AP2A2: variants seen among roughly 807,000 people sequenced by gnomAD.
AP2A2 encodes adaptor related protein complex 2 subunit alpha 2.
A neutral mutation model predicts 104.2 loss-of-function variants in AP2A2; 32 were observed. The ratio of observed to expected loss-of-function variants is 0.31; its 90% confidence interval spans 0.23 to 0.41. AP2A2 has a LOEUF of 0.41. Among genes scored for constraint, AP2A2 ranks in the 10% least tolerant of loss-of-function variants. The pLI is 1.00. For missense variants in AP2A2, 912 were observed against 1,261.0 expected (o/e 0.72, Z 4.19); for synonymous variants, 539 against 533.3 (o/e 1.01, Z -0.15).
At chr11:972,894 C>T (rs1048762633) in intron 4 of AP2A2, among the ~76,000 whole-genome samples, 4 of 152,244 alleles carry the variant, frequency 2.6e-5, no homozygotes, top group African/African-American at 7.2e-5. Context: ...CAGGGCTTCA[C>T]GCGGAGAAGC....
chr11:946,948 CAAGTT>C (rs2134505969), intron 1 of AP2A2: 1 of 151,142 alleles, frequency 6.6e-6, no homozygotes, highest in African/African-American at 2.4e-5. Flanking sequence ...CTACATATGT[CAAGTT>C]AAAAGACAAT....
intron 1 of AP2A2, among the ~76,000 whole-genome samples, chr11:928,016 T>A (rs2134443479): frequency 1.3e-5 from 2 of 152,300 alleles, no homozygotes; most frequent in South Asian, 4.1e-4. Context: ...GTCCTTCCAT[T>A]TTTGAAGAAA....
intron 4 of AP2A2, among the ~76,000 whole-genome samples, chr11:975,250 G>A (rs548435942): frequency 3.3e-5 from 5 of 152,142 alleles, no homozygotes; most frequent in South Asian, 4.2e-4. Flanking sequence ...GCCGACATTA[G>A]CGAGTAGCTG....
chr11:935,895 T>C (rs1457543238), intron 1 of AP2A2, among the ~76,000 whole-genome samples: 1 of 148,922 alleles, frequency 6.7e-6, no homozygotes, highest in Non-Finnish European at 1.5e-5. Flanking sequence ...GCGCCCGGCC[T>C]ATTCCTTTTT....
intron 1 of AP2A2, among the ~76,000 whole-genome samples, chr11:957,505 T>G (rs1854277550): frequency 1.3e-5 from 2 of 152,128 alleles, no homozygotes; most frequent in South Asian, 2.1e-4. Flanking sequence ...ACAAGGTAGG[T>G]CAGAGAATTT....
chr11:993,431 CGGT>C lies in AP2A2; in HGVS notation c.1550+54_1550+56del. The C allele has an allele frequency of 7.1e-7, 1 of 1,415,166 alleles. No individual in the cohort carries two copies. The highest frequency in any genetic ancestry group is 1.9e-4 in the Middle Eastern group (1 of 5,374). 87.7% of individuals were successfully genotyped at this position (1,415,166 alleles called of 1,614,324 possible). ...GCTGTGTGCGCTCCGGCGGGCCTCT[CGGT>C]GGTCGGTGGCAAGAGGCGAGGCACC... On this transcript the variant is annotated intron_variant, in intron 12 of 21. Transcript: ENST00000448903. This position sits in a 1 kb window ranked among gnomAD's most constrained non-coding sequence, Gnocchi z 8.2.
intron 8 of AP2A2, 132 bp from the exon 9 acceptor site, chr11:986,653 A>C: frequency 8.9e-7 from 1 of 1,125,596 alleles, no homozygotes; most frequent in Non-Finnish European, 1.3e-6. Flanking sequence ...TTCCCACTTG[A>C]GCAGTGTGGT....
intron 2 of AP2A2, among the ~76,000 whole-genome samples, chr11:962,671 T>G (rs1191284885): frequency 6.6e-6 from 1 of 151,942 alleles, no homozygotes; most frequent in Non-Finnish European, 1.5e-5. Flanking sequence ...AGGCGGAGGT[T>G]GCAGTGAGCC....
chr11:933,660 A>G (rs1395068060), intron 1 of AP2A2: 1 of 456,164 alleles, frequency 2.2e-6, no homozygotes, highest in Admixed American at 2.4e-5. Context: ...AAGAGGACCA[A>G]GAAGAGTGTG....
Position 993,562 on chromosome 11 carries a change from T to C in AP2A2, c.1550+181T>C, listed in dbSNP as rs571843780. Among the ~76,000 whole-genome samples, 2 of 151,948 alleles carry C rather than the reference T, an allele frequency of 1.3e-5. No individual in the cohort carries two copies. Among genetic ancestry groups the C allele is most frequent in the African/African-American group, 2.4e-5 (1 of 41,448 alleles). ...AAAAAGCAGGGATTCTAGTAGAAAA[T>C]GGAGACGTGGGGTTGATGGCTGACT... is the stretch of plus-strand genomic sequence containing the variant. On this transcript the variant is annotated intron_variant, in intron 12 of 21. Transcript: ENST00000448903. This position sits in a 1 kb window ranked among gnomAD's most constrained non-coding sequence, Gnocchi z 8.2.
chr11:959,066 G>A (rs543682614), intron 1 of AP2A2, among the ~76,000 whole-genome samples: 1 of 152,224 alleles, frequency 6.6e-6, no homozygotes, highest in Non-Finnish European at 1.5e-5. Context: ...TGTTATTAGC[G>A]GATGACGATT....
intron 1 of AP2A2, among the ~76,000 whole-genome samples, chr11:954,398 ATGTG>A (rs1854159866): frequency 6.6e-6 from 1 of 151,786 alleles, no homozygotes; most frequent in African/African-American, 2.4e-5. Context: ...GTGTGTGTAC[ATGTG>A]TGTATTTGTG....
chr11:981,178 G>C lies in AP2A2; in HGVS notation c.604-20G>C. ...GTTAGCTTCAAGTGTTCTGACTCTTGTGTGTGTGTTTTCTTTCAGGGTGTG... is the reference window on the plus strand; with the variant it reads ...GTTAGCTTCAAGTGTTCTGACTCTTCTGTGTGTGTTTTCTTTCAGGGTGTG... On this transcript the variant is annotated intron_variant, in intron 5 of 21. Coordinates refer to ENST00000448903, the MANE Select transcript of AP2A2 (RefSeq NM_012305.4). 3 of 1,584,204 alleles carry C rather than the reference G, an allele frequency of 1.9e-6. No homozygotes were observed. The highest frequency in any genetic ancestry group is 2.6e-6 in the Non-Finnish European group (3 of 1,158,480).
intron 1 of AP2A2, among the ~76,000 whole-genome samples, chr11:926,410 G>T (rs1171078568): frequency 2.6e-5 from 4 of 151,408 alleles, no homozygotes; most frequent in African/African-American, 9.7e-5. Flanking sequence ...GGGTCTAGGG[G>T]TGCGGGGTCT....
At chr11:948,654 G>T (rs1053064818) in intron 1 of AP2A2, 1 of 151,416 alleles carries the variant, frequency 6.6e-6, no homozygotes, top group Non-Finnish European at 1.5e-5. Context: ...ATCACTTGAG[G>T]TCAGGAGTTC....
chr11:978,340 A>G (rs758503747), intron 5 of AP2A2, among the ~76,000 whole-genome samples: 2 of 152,154 alleles, frequency 1.3e-5, no homozygotes, highest in Non-Finnish European at 2.9e-5. Context: ...CTTGGCAGGA[A>G]GTTTCCATGG....
At chr11:983,025 T>C (rs533466585) in intron 6 of AP2A2, among the ~76,000 whole-genome samples, 3,855 of 144,278 alleles carry the variant, frequency 0.027, 175 homozygotes, top group African/African-American at 0.093. Flanking sequence ...TTCTTTTTTT[T>C]TTTTTTTTTT....
chr11:978,870 C>T (rs1267961632), intron 5 of AP2A2, among the ~76,000 whole-genome samples: 3 of 152,112 alleles, frequency 2.0e-5, no homozygotes, highest in African/African-American at 4.8e-5. Flanking sequence ...AGAAGGTCGG[C>T]GGTCAGGCCT....
At chr11:959,686 A>G (rs7936830) in intron 2 of AP2A2, among the ~76,000 whole-genome samples, 181 bp downstream of exon 2, 76,993 of 152,052 alleles carry the variant, frequency 0.51, 20,126 homozygotes, top group Middle Eastern at 0.66. Context: ...TAGGTGGGGC[A>G]GCCCCTCCTG....
Sources: allele counts gnomAD v4.1 joint callset (sites outside exome capture counted in the v4.1 genomes callset), GRCh38; gene constraint gnomAD v4.1.1; non-coding constraint Gnocchi (gnomAD v3.1); transcripts MANE v1.5; gene names NCBI Gene and HGNC (gene_info 2026-07-23, HGNC 2026-07-21).